Variants in NCALD observed in about 807,000 individuals in gnomAD.
The protein encoded by NCALD is neurocalcin-delta.
NCALD carries 10 observed loss-of-function variants against 18.6 expected under a neutral mutation model. That is an observed-to-expected ratio of 0.54 (90% CI 0.33 to 0.91). The LOEUF (loss-of-function observed/expected upper bound fraction) is 0.91, where lower values mean the gene tolerates loss of function less well. Ranked by LOEUF, NCALD falls within the 40% of genes least tolerant of loss-of-function variation. The probability of loss-of-function intolerance (pLI) is 0.03; values close to 1 mark genes in which losing one functional copy is unlikely to be tolerated. For synonymous variants in NCALD, 88 were observed against 87.4 expected, an observed-to-expected ratio of 1.01 and a Z score of -0.04; for missense variants, 184 against 247.6, an observed-to-expected ratio of 0.74 and a Z score of 1.72.
At chr8:101,914,226 A>G (rs1817899946) in intron 3 of NCALD, among the ~76,000 whole-genome samples, 1 of 152,164 alleles carries the variant, frequency 6.6e-6, no homozygotes, top group African/African-American at 2.4e-5. Context: ...TTTGAGGGGT[A>G]CTAGTCAGAT....
At chr8:101,845,180 GA>G (rs1814815566) in intron 4 of NCALD, among the ~76,000 whole-genome samples, 4 of 152,204 alleles carry the variant, frequency 2.6e-5, no homozygotes, top group Admixed American at 2.6e-4. Flanking sequence ...ATTTCTTTGA[GA>G]AAGTCTTAGT....
chr8:101,888,128 C>G (rs1382842744), intron 3 of NCALD, among the ~76,000 whole-genome samples: 1 of 152,148 alleles, frequency 6.6e-6, no homozygotes, highest in African/African-American at 2.4e-5. Flanking sequence ...TTAAACTAGT[C>G]AAGGCTTATC....
chr8:101,899,099 C>T (rs1421508323), intron 3 of NCALD, among the ~76,000 whole-genome samples: 1 of 151,852 alleles, frequency 6.6e-6, no homozygotes, highest in East Asian at 1.9e-4. Context: ...GCATATAAAT[C>T]CCATAAATGT....
At chr8:101,761,249 A>G (rs1286903135) in intron 1 of NCALD, among the ~76,000 whole-genome samples, 3 of 152,344 alleles carry the variant, frequency 2.0e-5, no homozygotes, top group Non-Finnish European at 4.4e-5. Flanking sequence ...AAATTAGGTC[A>G]GCAACTTTGC....
At chr8:101,969,413 C>T (rs184282251) in intron 2 of NCALD, among the ~76,000 whole-genome samples, 26 of 152,292 alleles carry the variant, frequency 1.7e-4, no homozygotes, top group Admixed American at 3.9e-4. Context: ...CCCCACACTT[C>T]GTAATGATGA....
At chr8:102,043,685 C>G (rs1269702) in intron 1 of NCALD, among the ~76,000 whole-genome samples, 148,529 of 148,714 alleles carry the variant, frequency 1, 74,174 homozygotes, top group Middle Eastern at 1. Context: ...AGGAGGAAGA[C>G]GAGGAGGAGG....
intron 2 of NCALD, among the ~76,000 whole-genome samples, chr8:101,944,698 CCT>C (rs1190730768): frequency 6.6e-6 from 1 of 152,114 alleles, no homozygotes; most frequent in Non-Finnish European, 1.5e-5. Context: ...CTTCCTATTC[CCT>C]CTTTGCCTGA....
chr8:101,822,392 A>T (rs1813757376), intron 4 of NCALD, among the ~76,000 whole-genome samples: 1 of 152,128 alleles, frequency 6.6e-6, no homozygotes, highest in Admixed American at 6.5e-5. Flanking sequence ...GAGAGAAAGG[A>T]GCTGGTCGAT....
rs1456043766 is a variant in NCALD at position 101,714,794 on chromosome 8, A to G, written c.378+4458T>C. 1.3e-5 allele frequency among the ~76,000 whole-genome samples: 2 copies of G among 150,136 alleles called. 1 individual carries two copies. The highest frequency in any genetic ancestry group is 5.0e-5 in the African/African-American group (2 of 39,688). ...GGTGGATCATGAGGTCAGGAGATCGAGACCATCCTGGCTAACAAGGTGAAA... is the reference window on the plus strand; with the variant it reads ...GGTGGATCATGAGGTCAGGAGATCGGGACCATCCTGGCTAACAAGGTGAAA... On this transcript the variant is annotated intron_variant, in intron 2 of 3. Transcript: ENST00000220931.
intron 4 of NCALD, among the ~76,000 whole-genome samples, chr8:101,873,875 A>G (rs1286194070): frequency 6.6e-6 from 1 of 152,228 alleles, no homozygotes; most frequent in Non-Finnish European, 1.5e-5. Flanking sequence ...TCAACTTCAT[A>G]TTATGCTACA....
chr8:101,866,240 T>C (rs1815766347), intron 4 of NCALD, among the ~76,000 whole-genome samples: 1 of 152,214 alleles, frequency 6.6e-6, no homozygotes, highest in African/African-American at 2.4e-5. Context: ...CTTCCTACCT[T>C]CCCAAATGCT....
intron 2 of NCALD, among the ~76,000 whole-genome samples, chr8:101,938,843 T>C (rs1273968937): frequency 6.6e-6 from 1 of 152,246 alleles, no homozygotes; most frequent in African/African-American, 2.4e-5. Flanking sequence ...ATCACCAGCA[T>C]CTGTCTGGTG....
intron 2 of NCALD, among the ~76,000 whole-genome samples, chr8:101,976,232 C>G (rs777652995): frequency 6.6e-6 from 1 of 152,002 alleles, no homozygotes; most frequent in Non-Finnish European, 1.5e-5. Context: ...CCTGCCCTCA[C>G]TTTCACAAGT....
intron 2 of NCALD, among the ~76,000 whole-genome samples, chr8:101,708,312 TA>T (rs1198056566): frequency 6.6e-6 from 1 of 152,244 alleles, no homozygotes; most frequent in African/African-American, 2.4e-5. Context: ...GTAGAGAAGC[TA>T]GGGGTCCTAA....
chr8:101,823,947 A>C (rs78502070), intron 4 of NCALD, among the ~76,000 whole-genome samples: 1 of 152,226 alleles, frequency 6.6e-6, no homozygotes, highest in Non-Finnish European at 1.5e-5. Flanking sequence ...CTACATGGGG[A>C]CAGTTAGCCC....
At chr8:101,801,383 C>A (rs1015243825) in intron 4 of NCALD, among the ~76,000 whole-genome samples, 1 of 151,834 alleles carries the variant, frequency 6.6e-6, no homozygotes. Flanking sequence ...ATTTGAAAAA[C>A]GGTGACCTCA....
At chr8:102,094,132 C>T (rs549017661) in intron 1 of NCALD, among the ~76,000 whole-genome samples, 28 of 152,308 alleles carry the variant, frequency 1.8e-4, no homozygotes, top group African/African-American at 6.3e-4. Flanking sequence ...AAGGATCACT[C>T]TTCAAATACA....
At chr8:102,025,568 T>G (rs970303479) in intron 1 of NCALD, among the ~76,000 whole-genome samples, 2 of 152,206 alleles carry the variant, frequency 1.3e-5, no homozygotes, top group African/African-American at 4.8e-5. Flanking sequence ...TCCCCAGCCA[T>G]GCAGGTAGAA....
intron 1 of NCALD, among the ~76,000 whole-genome samples, chr8:101,745,516 G>A (rs148535295): frequency 1.3e-5 from 2 of 152,276 alleles, no homozygotes; most frequent in Non-Finnish European, 2.9e-5. Context: ...GGAGTGACTC[G>A]AGTTAATTAG....
Sources: gnomAD v4.1 joint callset for allele counts (sites outside exome capture counted in the v4.1 genomes callset) on GRCh38, gnomAD v4.1.1 for gene constraint, MANE v1.5 for transcripts, NCBI Gene and HGNC (gene_info 2026-07-23, HGNC 2026-07-21) for gene names.